CCDC73: variants seen among roughly 807,000 people sequenced by gnomAD.
CCDC73 encodes the protein coiled-coil domain containing 73.
In CCDC73, 95 loss-of-function variants were observed where a neutral mutation model predicts 116.5. The ratio of observed to expected loss-of-function variants is 0.82; its 90% CI spans 0.69 to 0.97. The LOEUF is 0.97. CCDC73 is among the 50% of genes least tolerant of loss of function. The pLI is 0.00. For missense variants in CCDC73, 1,066 were observed against 1,206.8 expected (o/e 0.88, Z 1.73); for synonymous variants, 398 against 401.3 (o/e 0.99, Z 0.10).
In CCDC73 at chr11:32,675,628, T is replaced by C. The variant is rs1856079966; in HGVS notation, c.582A>G (p.Gln194=). The C allele has an allele frequency of 1.3e-6, 2 of 1,592,294 alleles. No individual in the cohort carries two copies. Among genetic ancestry groups the C allele is most frequent in the African/African-American group, 1.4e-5 (1 of 73,600 alleles). ...TTAAAGCTGAAAGTCTTTTGTTTGA[T>C]TGTATTGCTTCCCGTACTGCAACAT... is the stretch of plus-strand genomic sequence containing the variant. ...KLEQNVREAI[Q]SNKRLSALNK... The change falls in exon 9 of 18, where the codon CAA becomes CAG. Residue 194 remains glutamine (Q), a synonymous_variant. Coordinates refer to ENST00000335185, the MANE Select transcript of CCDC73 (RefSeq NM_001008391.4).
chr11:32,662,424 T>C (rs1226230702), intron 9 of CCDC73, among the ~76,000 whole-genome samples: 1 of 152,234 alleles, frequency 6.6e-6, no homozygotes, highest in Non-Finnish European at 1.5e-5. Context: ...TTTGCATTTC[T>C]CTGATGGCCA....
the CCDC73 span, chr11:32,830,493 T>TG: frequency 0.12 from 168,622 of 1,456,092 alleles, 10,884 homozygotes; most frequent in Non-Finnish European, 0.12. Flanking sequence ...TAATATTTTT[T>TG]TTTGTTTGTT....
chr11:32,644,763 T>G (rs777075193), intron 12 of CCDC73, among the ~76,000 whole-genome samples: 2 of 152,182 alleles, frequency 1.3e-5, no homozygotes, highest in African/African-American at 2.4e-5. Flanking sequence ...GCACCCCTAT[T>G]CTTCACTGAC....
chr11:32,652,497 C>G (rs781078998), intron 12 of CCDC73, among the ~76,000 whole-genome samples: 2 of 152,098 alleles, frequency 1.3e-5, no homozygotes, highest in Non-Finnish European at 2.9e-5. Flanking sequence ...GTATCTCAAT[C>G]CCTACAAGAG....
At chr11:32,806,205 C>T in the CCDC73 span, among the ~76,000 whole-genome samples, 1 of 152,186 alleles carries the variant, frequency 6.6e-6, no homozygotes, top group Non-Finnish European at 1.5e-5. Flanking sequence ...GTTAAAAATC[C>T]AAGTTTATTT....
intron 1 of CCDC73, among the ~76,000 whole-genome samples, chr11:32,767,905 T>A (rs1343931281): frequency 4.6e-5 from 7 of 152,272 alleles, no homozygotes; most frequent in African/African-American, 1.7e-4. Flanking sequence ...ATTGTGGAAG[T>A]CAGTGTGGCG....
intron 9 of CCDC73, among the ~76,000 whole-genome samples, chr11:32,668,722 T>C (rs549506139): frequency 2.0e-5 from 3 of 152,176 alleles, no homozygotes; most frequent in Non-Finnish European, 4.4e-5. Context: ...CACAGCCCTT[T>C]ACATCACCAT....
chr11:32,636,120 T>C (rs1855675104), intron 13 of CCDC73, among the ~76,000 whole-genome samples: 1 of 152,116 alleles, frequency 6.6e-6, no homozygotes, highest in South Asian at 2.1e-4. Flanking sequence ...AGATACAAAA[T>C]GGCAGTGAGG....
At chr11:32,674,721 C>T (rs1230984518) in intron 9 of CCDC73, among the ~76,000 whole-genome samples, 1 of 152,166 alleles carries the variant, frequency 6.6e-6, no homozygotes, top group Non-Finnish European at 1.5e-5. Flanking sequence ...TAATCAGAAG[C>T]TAGCTAAAGT....
At chr11:32,685,999 C>T (rs1331749778) in intron 6 of CCDC73, among the ~76,000 whole-genome samples, 1 of 151,688 alleles carries the variant, frequency 6.6e-6, no homozygotes. Context: ...GGATTAGAGG[C>T]GTGAGCCACC....
intron 17 of CCDC73, among the ~76,000 whole-genome samples, chr11:32,609,946 ATTTT>A (rs34935006): frequency 7.2e-6 from 1 of 138,578 alleles, no homozygotes; most frequent in Non-Finnish European, 1.5e-5. Context: ...AGCCCAGCTA[ATTTT>A]TTTTTTTTTT....
chr11:32,673,994 CAG>C (rs1209863555), intron 9 of CCDC73, among the ~76,000 whole-genome samples: 2 of 152,118 alleles, frequency 1.3e-5, no homozygotes, highest in South Asian at 4.1e-4. Flanking sequence ...AGGGAAGGAA[CAG>C]GGGGAATAAA....
chr11:32,603,025 G>A lies in CCDC73; in HGVS notation c.3031-5C>T. 9 of 1,583,264 alleles carry A rather than the reference G, an allele frequency of 5.7e-6. No individual in the cohort carries two copies. The highest frequency in any genetic ancestry group is 6.8e-6 in the Non-Finnish European group (8 of 1,170,550). On this transcript the variant is annotated splice_polypyrimidine_tract_variant and splice_region_variant and intron_variant, in intron 17 of 17. Transcript: ENST00000335185. ...TATCAGAGGCTTTGTTTTCACCTGG[G>A]AAAGATAAACTAATTTTACCTTCGA... is the stretch of plus-strand genomic sequence containing the variant.
At chr11:32,752,429 T>C (rs1850294625) in intron 2 of CCDC73, among the ~76,000 whole-genome samples, 1 of 152,214 alleles carries the variant, frequency 6.6e-6, no homozygotes, top group Admixed American at 6.5e-5. Flanking sequence ...AAATATAAAC[T>C]GTTCAGACTT....
At chr11:32,778,333 T>C (rs1327224952) in intron 1 of CCDC73, among the ~76,000 whole-genome samples, 2 of 152,184 alleles carry the variant, frequency 1.3e-5, no homozygotes, top group Non-Finnish European at 2.9e-5. Context: ...AAATGCTCAT[T>C]TGGTCACTGG....
chr11:32,784,808 T>C (rs1850612898), intron 1 of CCDC73, among the ~76,000 whole-genome samples: 1 of 152,214 alleles, frequency 6.6e-6, no homozygotes, highest in Non-Finnish European at 1.5e-5. Flanking sequence ...GTAAATTTTA[T>C]TGTATATGTT....
At position 32,664,963 on chromosome 11, in the gene CCDC73, C is replaced by T. The variant is rs368781557; in HGVS notation, c.646-9991G>A. ...GTTGTTCAGTTTCCATGTAGTTGAGCGGTTTTGAGTGAGTTTCTTAATCCT... is the reference window on the plus strand; with the variant it reads ...GTTGTTCAGTTTCCATGTAGTTGAGTGGTTTTGAGTGAGTTTCTTAATCCT... On this transcript the variant is annotated intron_variant, in intron 9 of 17. Transcript: ENST00000335185. Among the ~76,000 whole-genome samples, 10 of 152,146 alleles carry T rather than the reference C, an allele frequency of 6.6e-5. 1 individual carries two copies. Among genetic ancestry groups the T allele is most frequent in the South Asian group, 4.2e-4 (2 of 4,804 alleles).
chr11:32,696,540 C>T (rs1487222438), intron 6 of CCDC73, among the ~76,000 whole-genome samples: 1 of 152,146 alleles, frequency 6.6e-6, no homozygotes. Context: ...GATTCTCCTA[C>T]CTCAGCCTCC....
chr11:32,813,313 A>G, the CCDC73 span, among the ~76,000 whole-genome samples: 1 of 152,106 alleles, frequency 6.6e-6, no homozygotes, highest in East Asian at 1.9e-4. Context: ...TGCTTTTCAC[A>G]TGAAGTCTCT....
Sources: allele counts gnomAD v4.1 joint callset (sites outside exome capture counted in the v4.1 genomes callset), GRCh38; gene constraint gnomAD v4.1.1; transcripts MANE v1.5; gene names NCBI Gene and HGNC (gene_info 2026-07-23, HGNC 2026-07-21).